SCIN: variants seen among roughly 807,000 people sequenced by gnomAD.
The protein encoded by SCIN is scinderin, also known as adseverin.
A neutral mutation model predicts 91.8 loss-of-function variants in SCIN; 91 were observed. The ratio of observed to expected loss-of-function variants is 0.99; its 90% CI spans 0.84 to 1.18. The LOEUF (loss-of-function observed/expected upper bound fraction) is 1.18, where lower values mean the gene tolerates loss of function less well. SCIN is among the 50% of genes most tolerant of loss of function. SCIN has a pLI of 0.00. For synonymous variants in SCIN, 367 were observed against 312.6 expected (o/e 1.17, Z -1.84); for missense variants, 1,087 against 863.9 (o/e 1.26, Z -3.24).
At chr7:12,641,438 T>C (rs1185514285) in intron 11 of SCIN, among the ~76,000 whole-genome samples, 1 of 152,180 alleles carries the variant, frequency 6.6e-6, no homozygotes, top group Non-Finnish European at 1.5e-5. Flanking sequence ...TCTTTGATTT[T>C]ATCTTGCCTC....
At chr7:12,580,752 G>A (rs911525452) in intron 2 of SCIN, among the ~76,000 whole-genome samples, 2 of 152,170 alleles carry the variant, frequency 1.3e-5, no homozygotes, top group African/African-American at 4.8e-5. Flanking sequence ...TGTCCAAAGG[G>A]CAAGAGCTAT....
At position 12,589,952 on chromosome 7, in the gene SCIN, G is replaced by C. The variant is rs1782683245; in HGVS notation, c.516+8731G>C. 2.0e-5 allele frequency among the ~76,000 whole-genome samples: 3 copies of C among 152,066 alleles called. 1 individual carries two copies. In the South Asian group the frequency reaches 6.2e-4, roughly 32 times the overall value. ...GGCAAAAGGGAGGTCCATGGTTTTT[G>C]GACTTCAAGAGTGAGTTTGGTTAAC... On this transcript the variant is annotated intron_variant, in intron 3 of 15. Coordinates refer to ENST00000297029, the MANE Select transcript of SCIN (RefSeq NM_001112706.3).
chr7:12,609,152 G>A (rs951386239), intron 4 of SCIN, among the ~76,000 whole-genome samples: 13 of 152,312 alleles, frequency 8.5e-5, no homozygotes, highest in African/African-American at 2.9e-4. Context: ...GCACTGAGGA[G>A]ATAGGACACA....
chr7:12,611,666 A>G (rs371301201), intron 4 of SCIN, among the ~76,000 whole-genome samples: 4 of 152,200 alleles, frequency 2.6e-5, no homozygotes, highest in East Asian at 3.9e-4. Flanking sequence ...TGAAATGGGG[A>G]GCTTTGTGAA....
intron 4 of SCIN, among the ~76,000 whole-genome samples, chr7:12,620,003 T>C (rs1562619081): frequency 2.0e-5 from 3 of 152,034 alleles, no homozygotes; most frequent in Non-Finnish European, 4.4e-5. Context: ...AAAATAAATT[T>C]TAAATGTTTT....
intron 7 of SCIN, chr7:12,626,189 T>C (rs1013233595): frequency 4.8e-5 from 15 of 315,046 alleles, no homozygotes; most frequent in Non-Finnish European, 2.3e-5. Context: ...CCAGATGATA[T>C]TTGTCTTCAT....
intron 2 of SCIN, among the ~76,000 whole-genome samples, chr7:12,580,758 G>A (rs1347845786): frequency 2.6e-5 from 4 of 152,210 alleles, no homozygotes; most frequent in Admixed American, 6.5e-5. Context: ...AAGGGCAAGA[G>A]CTATGGCATC....
At chr7:12,600,307 T>G (rs1422381150) in intron 3 of SCIN, among the ~76,000 whole-genome samples, 1 of 152,090 alleles carries the variant, frequency 6.6e-6, no homozygotes, top group Admixed American at 6.5e-5. Context: ...GATATAAGAA[T>G]GCAAAGGCAT....
chr7:12,657,685 T>C lies in SCIN; in HGVS notation c.*4970T>C, dbSNP rs925206224. 1.3e-5 allele frequency: 2 copies of C among 148,726 alleles called. No individual in the cohort carries two copies. The highest frequency in any genetic ancestry group is 3.0e-5 in the Non-Finnish European group (2 of 67,236). The allele number at this position is 148,726 out of a possible 1,614,324, so 9.2% of individuals were successfully genotyped here. On this transcript the variant is annotated 3_prime_UTR_variant, in exon 16 of 16. Coordinates refer to ENST00000297029, the MANE Select transcript of SCIN (RefSeq NM_001112706.3). ...GACAAATCAGAGGTATTATTTTCCC[T>C]TGGGCCTTTGCAGCCTGTGTTGTTT... is the stretch of plus-strand genomic sequence containing the variant.
chr7:12,635,611 CAA>C (rs59324421), intron 9 of SCIN, among the ~76,000 whole-genome samples: 103 of 5,808 alleles, frequency 0.018, no homozygotes, highest in Non-Finnish European at 0.027. Context: ...GACTCCGTCT[CAA>C]AAAAAAAAAA....
chr7:12,581,760 T>C (rs908260674), intron 3 of SCIN, among the ~76,000 whole-genome samples: 3 of 152,204 alleles, frequency 2.0e-5, no homozygotes, highest in Non-Finnish European at 2.9e-5. Flanking sequence ...ATCTGACTTA[T>C]GTTTTCTTCC....
intron 8 of SCIN, among the ~76,000 whole-genome samples, chr7:12,628,530 C>T (rs1425662578): frequency 6.6e-6 from 1 of 152,128 alleles, no homozygotes; most frequent in African/African-American, 2.4e-5. Context: ...AGGCTCCAGC[C>T]TCATGACCTA....
chr7:12,571,271 C>T, intron 1 of SCIN: 1 of 466,794 alleles, frequency 2.1e-6, no homozygotes, highest in Middle Eastern at 5.8e-4. Flanking sequence ...GGCTTCTTCC[C>T]CTTTCACCGT....
intron 3 of SCIN, chr7:12,595,765 C>G (rs1782828084): frequency 6.6e-6 from 1 of 152,154 alleles, no homozygotes; most frequent in Non-Finnish European, 1.5e-5. Flanking sequence ...GTTTGGACTT[C>G]TTAAGACTCC....
chr7:12,617,513 G>A (rs556938202), intron 4 of SCIN, among the ~76,000 whole-genome samples: 3 of 152,078 alleles, frequency 2.0e-5, no homozygotes, highest in Admixed American at 6.6e-5. Flanking sequence ...TAGGGAAAAA[G>A]GTTTGGTGAT....
intron 9 of SCIN, among the ~76,000 whole-genome samples, chr7:12,635,416 C>T (rs1439340129): frequency 7.3e-5 from 11 of 151,154 alleles, no homozygotes; most frequent in Admixed American, 5.3e-4. Context: ...TTGAAACCAG[C>T]CTGGCCAACA....
intron 3 of SCIN, among the ~76,000 whole-genome samples, chr7:12,603,077 T>C (rs1782991065): frequency 6.6e-6 from 1 of 152,198 alleles, no homozygotes; most frequent in African/African-American, 2.4e-5. Flanking sequence ...CTTTTGTTTT[T>C]ATATCCCATG....
chr7:12,608,637 C>G (rs762533200), intron 4 of SCIN, among the ~76,000 whole-genome samples: 1 of 151,950 alleles, frequency 6.6e-6, no homozygotes, highest in Non-Finnish European at 1.5e-5. Flanking sequence ...ACCACCACAC[C>G]CAGCTAATTT....
At chr7:12,575,823 T>C (rs1990223) in intron 1 of SCIN, among the ~76,000 whole-genome samples, 84,078 of 151,890 alleles carry the variant, frequency 0.55, 23,817 homozygotes, top group African/African-American at 0.67. Context: ...AGTTTCTAAA[T>C]ACTTTCTGGA....
Sources: allele counts gnomAD v4.1 joint callset (sites outside exome capture counted in the v4.1 genomes callset), GRCh38; gene constraint gnomAD v4.1.1; transcripts MANE v1.5; gene names NCBI Gene and HGNC (gene_info 2026-07-23, HGNC 2026-07-21).